RYR3: variants seen among roughly 807,000 people sequenced by gnomAD.
RYR3 encodes brain ryanodine receptor-calcium release channel.
Under a neutral mutation model 584.3 loss-of-function variants are expected in RYR3, and 207 were observed. The observed-to-expected ratio is 0.35, with a 90% CI of 0.32 to 0.40. RYR3 has a LOEUF of 0.40. RYR3 is among the 10% of genes least tolerant of loss of function. RYR3 has a pLI of 1.00. For synonymous variants in RYR3, 2,416 were observed against 2,248.5 expected (o/e 1.07, Z -2.11); for missense variants, 5,616 against 6,089.2 (o/e 0.92, Z 2.59).
chr15:33,665,504 A>G (rs2063446104), intron 36 of RYR3, among the ~76,000 whole-genome samples: 1 of 152,182 alleles, frequency 6.6e-6, no homozygotes, highest in Non-Finnish European at 1.5e-5. Context: ...GAGTTCACAC[A>G]TGTTTTCTGG....
chr15:33,366,186 T>A (rs1005457535), intron 1 of RYR3, among the ~76,000 whole-genome samples: 2 of 149,854 alleles, frequency 1.3e-5, no homozygotes, highest in African/African-American at 4.9e-5. Flanking sequence ...TAATAGGTAA[T>A]TGGCAAATGT....
chr15:33,789,546 T>G (rs1296437405), intron 67 of RYR3, among the ~76,000 whole-genome samples: 1 of 143,218 alleles, frequency 7.0e-6, no homozygotes, highest in Non-Finnish European at 1.5e-5. Context: ...TGGATGATTG[T>G]AGTTTCACAA....
At chr15:33,446,702 G>A (rs2046697896) in intron 1 of RYR3, among the ~76,000 whole-genome samples, 1 of 152,168 alleles carries the variant, frequency 6.6e-6, no homozygotes, top group Admixed American at 6.5e-5. Flanking sequence ...GAGGTACTCT[G>A]GGTGTTAGGA....
At chr15:33,320,352 T>A (rs1170575832) in intron 1 of RYR3, among the ~76,000 whole-genome samples, 1 of 152,198 alleles carries the variant, frequency 6.6e-6, no homozygotes, top group East Asian at 1.9e-4. Flanking sequence ...AAACACCCTT[T>A]AAAATCATCA....
At chr15:33,707,345 G>A (rs2066792277) in intron 43 of RYR3, among the ~76,000 whole-genome samples, 1 of 151,904 alleles carries the variant, frequency 6.6e-6, no homozygotes, top group Non-Finnish European at 1.5e-5. Flanking sequence ...TGTAAAAGGG[G>A]GCCTTATGAA....
intron 92 of RYR3, 109 bp from the exon 93 acceptor site, chr15:33,844,753 A>T: frequency 1.1e-6 from 1 of 909,266 alleles, no homozygotes; most frequent in Non-Finnish European, 1.7e-6. Context: ...AGTAATGTTG[A>T]GTCACTACTA....
chr15:33,493,381 A>G (rs769213569), intron 2 of RYR3, among the ~76,000 whole-genome samples: 10 of 152,188 alleles, frequency 6.6e-5, no homozygotes, highest in African/African-American at 1.4e-4. Context: ...CACAGCATCC[A>G]TTGAAAGCTA....
chr15:33,376,363 TC>T (rs1185888825), intron 1 of RYR3, among the ~76,000 whole-genome samples: 1 of 152,222 alleles, frequency 6.6e-6, no homozygotes, highest in Non-Finnish European at 1.5e-5. Context: ...GCTTATCCAT[TC>T]CCCTCTGATG....
intron 1 of RYR3, among the ~76,000 whole-genome samples, chr15:33,312,777 AGTT>A (rs1414001627): frequency 1.3e-5 from 2 of 152,180 alleles, no homozygotes; most frequent in African/African-American, 2.4e-5. Flanking sequence ...GGAAGGTGGT[AGTT>A]GTTGTGAGAT....
chr15:33,748,099 C>T lies in RYR3; in HGVS notation c.7990-15C>T, dbSNP rs943107657. 1 of 1,612,764 alleles carries T rather than the reference C, an allele frequency of 6.2e-7. No homozygotes were observed. The highest frequency in any genetic ancestry group is 1.3e-5 in the African/African-American group (1 of 74,908). ...GTGTGTTCTGCAAAGTGCTTCTGCT[C>T]AAATTCTCTTCTAGGAGAAGGAAAT... On this transcript the variant is annotated splice_polypyrimidine_tract_variant and intron_variant, in intron 53 of 103. Transcript: ENST00000634891.
intron 67 of RYR3, among the ~76,000 whole-genome samples, chr15:33,788,996 A>C (rs2074920919): frequency 6.6e-6 from 1 of 152,194 alleles, no homozygotes; most frequent in Non-Finnish European, 1.5e-5. Context: ...ATAGAATGTT[A>C]CTGAGAAATC....
intron 1 of RYR3, among the ~76,000 whole-genome samples, chr15:33,421,403 C>G (rs2044231961): frequency 6.6e-6 from 1 of 152,100 alleles, no homozygotes; most frequent in African/African-American, 2.4e-5. Flanking sequence ...AAAACCAAGG[C>G]CTGGACTAGG....
chr15:33,812,617 C>A (rs967620666), intron 72 of RYR3, among the ~76,000 whole-genome samples: 3 of 151,862 alleles, frequency 2.0e-5, no homozygotes, highest in Non-Finnish European at 4.4e-5. Context: ...AGGAAATCAT[C>A]CAAAATGCAA....
chr15:33,446,730 T>G (rs2046699621), intron 1 of RYR3, among the ~76,000 whole-genome samples: 1 of 152,224 alleles, frequency 6.6e-6, no homozygotes, highest in African/African-American at 2.4e-5. Context: ...ATATGAATTT[T>G]GGAGAAGCAC....
At chr15:33,485,010 G>A (rs2050289504) in intron 2 of RYR3, among the ~76,000 whole-genome samples, 1 of 152,032 alleles carries the variant, frequency 6.6e-6, no homozygotes, top group African/African-American at 2.4e-5. Context: ...AGAGAGGAGG[G>A]CCTGGGAAAT....
At chr15:33,536,887 A>G (rs188228880) in intron 5 of RYR3, among the ~76,000 whole-genome samples, 1 of 152,292 alleles carries the variant, frequency 6.6e-6, no homozygotes, top group East Asian at 1.9e-4. Flanking sequence ...ATATTAAAAC[A>G]ATGCTTTTTA....
At chr15:33,437,181 T>C (rs2045808651) in intron 1 of RYR3, among the ~76,000 whole-genome samples, 1 of 150,676 alleles carries the variant, frequency 6.6e-6, no homozygotes, top group Non-Finnish European at 1.5e-5. Context: ...TTGCAAAAAA[T>C]AGAAAAAAAA....
At chr15:33,860,080 G>C (rs973874006) in intron 100 of RYR3, among the ~76,000 whole-genome samples, 1 of 151,882 alleles carries the variant, frequency 6.6e-6, no homozygotes, top group Non-Finnish European at 1.5e-5. Flanking sequence ...GAGCAGAGGA[G>C]CTGGACAGTG....
intron 1 of RYR3, among the ~76,000 whole-genome samples, chr15:33,419,743 T>A (rs947772119): frequency 6.6e-6 from 1 of 152,164 alleles, no homozygotes; most frequent in Non-Finnish European, 1.5e-5. Context: ...CATGGTAGTA[T>A]GGTACCAACT....
Sources: gnomAD v4.1 joint callset for allele counts (sites outside exome capture counted in the v4.1 genomes callset) on GRCh38, gnomAD v4.1.1 for gene constraint, MANE v1.5 for transcripts, NCBI Gene and HGNC (gene_info 2026-07-23, HGNC 2026-07-21) for gene names.